The following ARHGAP28 variants were observed in gnomAD, a reference collection of about 807,000 sequenced individuals.
ARHGAP28 encodes Rho GTPase activating protein 28.
ARHGAP28 carries 56 observed loss-of-function variants against 90.7 expected under a neutral mutation model. The ratio of observed to expected loss-of-function variants is 0.62; its 90% CI spans 0.50 to 0.77. The LOEUF (loss-of-function observed/expected upper bound fraction) is 0.77. Among genes scored for constraint, ARHGAP28 ranks in the 30% least tolerant of loss-of-function variants. The pLI is 0.00. For synonymous variants in ARHGAP28, 308 were observed against 323.3 expected (o/e 0.95, Z 0.51); for missense variants, 869 against 900.9 (o/e 0.96, Z 0.45).
At chr18:6,803,270 G>A (rs2056495350) in intron 1 of ARHGAP28, among the ~76,000 whole-genome samples, 1 of 152,004 alleles carries the variant, frequency 6.6e-6, no homozygotes, top group Admixed American at 6.6e-5. Flanking sequence ...TTCCTAATTT[G>A]CTAAGAATTT....
At chr18:6,830,498 G>A (rs1459963783) in intron 2 of ARHGAP28, among the ~76,000 whole-genome samples, 4 of 152,048 alleles carry the variant, frequency 2.6e-5, no homozygotes, top group Non-Finnish European at 4.4e-5. Flanking sequence ...AGGCCCTGGT[G>A]TGTGATGTTC....
At chr18:6,854,980 C>A (rs2056941226) in intron 4 of ARHGAP28, among the ~76,000 whole-genome samples, 1 of 152,244 alleles carries the variant, frequency 6.6e-6, no homozygotes, top group Non-Finnish European at 1.5e-5. Context: ...TTCCAGTCCC[C>A]TGCCCCCTTG....
chr18:6,825,159 A>G (rs2056653435), intron 2 of ARHGAP28, among the ~76,000 whole-genome samples, 195 bp downstream of exon 2: 1 of 152,148 alleles, frequency 6.6e-6, no homozygotes, highest in Non-Finnish European at 1.5e-5. Context: ...ATCCCAGGTG[A>G]CATGACCCAA....
chr18:6,812,664 C>G (rs960478777), intron 1 of ARHGAP28, among the ~76,000 whole-genome samples: 2 of 152,166 alleles, frequency 1.3e-5, no homozygotes, highest in Admixed American at 6.6e-5. Context: ...ATGCTGAGCT[C>G]CTTAAAGCCA....
chr18:6,858,295 ATTTGT>A (rs2056970175), intron 4 of ARHGAP28, among the ~76,000 whole-genome samples: 1 of 151,738 alleles, frequency 6.6e-6, no homozygotes, highest in South Asian at 2.1e-4. Flanking sequence ...ATTCTACATT[ATTTGT>A]TTTTCTCTTC....
Position 6,912,372 on chromosome 18 carries a change from A to G in ARHGAP28, c.*218A>G, listed in dbSNP as rs1312160599. ...ATGACTTTTTTTTTTATAAAAGTAA[A>G]GGAAAGATGATGTGGTCCTTCCAGA... On this transcript the variant is annotated 3_prime_UTR_variant, in exon 18 of 18. Transcript: ENST00000383472. 1 of 331,808 alleles carries G rather than the reference A, an allele frequency of 3.0e-6. No homozygotes were observed. Among genetic ancestry groups the G allele is most frequent in the Admixed American group, 4.6e-5 (1 of 21,662 alleles). The allele number at this position is 331,808 out of a possible 1,614,324, so 20.6% of individuals were successfully genotyped here. A position where few individuals can be genotyped will look rare whatever the true frequency, so the allele number is the denominator to read the frequency against.
intron 4 of ARHGAP28, among the ~76,000 whole-genome samples, chr18:6,851,610 C>A (rs183677826): frequency 5.3e-4 from 80 of 152,264 alleles, no homozygotes; most frequent in African/African-American, 1.9e-3. Flanking sequence ...ATGTTTATAG[C>A]AGCTTTATTT....
chr18:6,838,214 G>GA (rs1184642737), intron 3 of ARHGAP28, among the ~76,000 whole-genome samples: 3 of 152,160 alleles, frequency 2.0e-5, no homozygotes, highest in Admixed American at 1.3e-4. Context: ...CTAGTATATA[G>GA]AAAAAAGGAA....
intron 4 of ARHGAP28, among the ~76,000 whole-genome samples, chr18:6,853,614 A>G (rs935434236): frequency 6.6e-6 from 1 of 152,070 alleles, no homozygotes; most frequent in African/African-American, 2.4e-5. Flanking sequence ...CTGGGATTAC[A>G]GGCATGCACC....
chr18:6,868,121 T>C, intron 5 of ARHGAP28, 29 bp from the exon 6 acceptor site: 1 of 1,574,974 alleles, frequency 6.3e-7, no homozygotes, highest in Non-Finnish European at 8.7e-7. Flanking sequence ...TGGTAAAATG[T>C]TTTGTGTTCA....
chr18:6,764,371 G>T (rs1030550128), intron 1 of ARHGAP28, among the ~76,000 whole-genome samples: 1 of 152,208 alleles, frequency 6.6e-6, no homozygotes, highest in Non-Finnish European at 1.5e-5. Flanking sequence ...CATAGTGTAT[G>T]TAGGGTTTGG....
chr18:6,787,254 G>C (rs1213872392), intron 1 of ARHGAP28, among the ~76,000 whole-genome samples: 1 of 143,980 alleles, frequency 6.9e-6, no homozygotes, highest in African/African-American at 2.6e-5. Flanking sequence ...GATTGAAGTT[G>C]CCCTTGTAAA....
At chr18:6,789,632 A>G (rs1218915777) in intron 1 of ARHGAP28, 1 of 152,062 alleles carries the variant, frequency 6.6e-6, no homozygotes, top group Non-Finnish European at 1.5e-5. Context: ...ACCACCACTA[A>G]CAATTCATAC....
At chr18:6,879,898 A>G (rs1439693016) in intron 10 of ARHGAP28, among the ~76,000 whole-genome samples, 1 of 152,218 alleles carries the variant, frequency 6.6e-6, no homozygotes, top group Non-Finnish European at 1.5e-5. Flanking sequence ...AGTTCGGATA[A>G]AAGCCTAAAG....
chr18:6,784,990 T>C (rs113021311), intron 1 of ARHGAP28, among the ~76,000 whole-genome samples: 2,314 of 152,290 alleles, frequency 0.015, 38 homozygotes, highest in African/African-American at 0.046. Flanking sequence ...AACCAGGGTC[T>C]GAGGAAATTG....
intron 3 of ARHGAP28, among the ~76,000 whole-genome samples, chr18:6,845,560 C>A (rs1389392963): frequency 6.6e-6 from 1 of 152,166 alleles, no homozygotes; most frequent in Non-Finnish European, 1.5e-5. Flanking sequence ...GCTGTTCTTA[C>A]TGATGCTCTC....
chr18:6,894,753 A>G (rs957038495), intron 14 of ARHGAP28, 82 bp from the exon 15 acceptor site: 3 of 1,156,162 alleles, frequency 2.6e-6, no homozygotes. Flanking sequence ...TGTTCTCCAT[A>G]AAGATTGTAC....
Position 6,870,865 on chromosome 18 carries a change from A to G in ARHGAP28, c.954+133A>G, listed in dbSNP as rs1600268708. Reference sequence around the variant, plus strand: ...CCCCAGGCTGGAGTGCAGTGGCGCGATCTCGGCTCACTGCAAGCTCTGCCT... The same window carrying G: ...CCCCAGGCTGGAGTGCAGTGGCGCGGTCTCGGCTCACTGCAAGCTCTGCCT... On this transcript the variant is annotated intron_variant, in intron 7 of 17. Coordinates refer to ENST00000383472, the MANE Select transcript of ARHGAP28 (RefSeq NM_001366230.1). The G allele has an allele frequency of 6.6e-6, 6 of 907,874 alleles. No individual in the cohort carries two copies. The South Asian group carries it at 7.2e-5, about 11-fold the overall frequency. The allele number at this position is 907,874 out of a possible 1,614,324, so 56.2% of individuals were successfully genotyped here. A position where few individuals can be genotyped will look rare whatever the true frequency, so the allele number is the denominator to read the frequency against.
intron 1 of ARHGAP28, among the ~76,000 whole-genome samples, chr18:6,769,682 C>T (rs1052312357): frequency 2.0e-5 from 3 of 152,190 alleles, no homozygotes; most frequent in Non-Finnish European, 2.9e-5. Context: ...CTTTTCATTT[C>T]GTGCTCTACA....
Sources: allele counts gnomAD v4.1 joint callset (sites outside exome capture counted in the v4.1 genomes callset), GRCh38; gene constraint gnomAD v4.1.1; transcripts MANE v1.5; gene names NCBI Gene and HGNC (gene_info 2026-07-23, HGNC 2026-07-21).